Variants in FGFR2 observed in about 807,000 individuals in gnomAD.
FGFR2 encodes the protein BEK fibroblast growth factor receptor.
FGFR2 carries 19 observed loss-of-function variants against 95.9 expected under a neutral mutation model. That is an observed-to-expected ratio of 0.20 (90% CI 0.14 to 0.29). The LOEUF is 0.29. Ranked by LOEUF, FGFR2 falls within the 10% of genes least tolerant of loss-of-function variation. The probability of loss-of-function intolerance (pLI) is 1.00; values close to 1 mark genes in which losing one functional copy is unlikely to be tolerated. For missense variants in FGFR2, 707 were observed against 1,056.9 expected, an observed-to-expected ratio of 0.67 and a Z score of 4.59; for synonymous variants, 392 against 393.3, an observed-to-expected ratio of 1.00 and a Z score of 0.04.
chr10:121,538,210 G>T, intron 6 of FGFR2: 1 of 626,772 alleles, frequency 1.6e-6, no homozygotes, highest in East Asian at 2.7e-5. Context: ...GCCTTCTACA[G>T]TTGCCCTGTT....
intron 4 of FGFR2, among the ~76,000 whole-genome samples, chr10:121,557,765 T>C (rs1417128791): frequency 6.6e-6 from 1 of 152,196 alleles, no homozygotes; most frequent in East Asian, 1.9e-4. Flanking sequence ...ACTTAGGATC[T>C]CTACCAAGTA....
chr10:121,558,087 T>G (rs1404185048), intron 4 of FGFR2, among the ~76,000 whole-genome samples: 1 of 152,142 alleles, frequency 6.6e-6, no homozygotes, highest in Non-Finnish European at 1.5e-5. Context: ...CATGATCTTC[T>G]CAAAAACTAA....
rs71484678 is a variant in FGFR2, at chr10:121,586,155, G to T, written c.109+7554C>A. 3.1e-3 allele frequency among the ~76,000 whole-genome samples: 476 copies of T among 152,266 alleles called. 1 individual carries two copies. The highest frequency in any genetic ancestry group is 5.0e-3 in the Non-Finnish European group (343 of 68,034). ...ACAGTAAACTGTCAGGTATACAAAT[G>T]GGTCACATATAGTAATATAGGAGCT... On this transcript the variant is annotated intron_variant, in intron 2 of 17. Transcript: ENST00000358487.
intron 13 of FGFR2, among the ~76,000 whole-genome samples, chr10:121,494,097 A>C (rs1846473557): frequency 6.6e-6 from 1 of 151,246 alleles, no homozygotes; most frequent in African/African-American, 2.4e-5. Context: ...TTCACCACAC[A>C]AGCAGCAGTG....
In FGFR2 at chr10:121,520,099, G is replaced by C. The variant is rs140427785; in HGVS notation, c.819C>G (p.Asp273Glu). 1.2e-6 allele frequency: 2 copies of C among 1,614,080 alleles called. No homozygotes were observed. Among genetic ancestry groups the C allele is most frequent in the African/African-American group, 2.7e-5 (2 of 74,946 alleles). Reference sequence around the variant, plus strand: ...TGTAAACCTTGCAGACAAACTCTACGTCTCCTCCGACCACTGTGGAGGCAT... The same window carrying C: ...TGTAAACCTTGCAGACAAACTCTACCTCTCCTCCGACCACTGTGGAGGCAT... ...PANASTVVGG[D>E]VEFVCKVYSD... Residue 273 changes from aspartate to glutamate, a missense_variant, in exon 7 of 18, where the codon GAC becomes GAG. Around this residue, in one of 7 missense-constraint regions of FGFR2, gnomAD observed 139 missense variants for 278.1 expected, o/e 0.50. Transcript: ENST00000358487.
chr10:121,591,024 C>CTT (rs1023598618), intron 2 of FGFR2, among the ~76,000 whole-genome samples: 3 of 152,172 alleles, frequency 2.0e-5, no homozygotes, highest in African/African-American at 7.2e-5. Flanking sequence ...CTCTCTCTCT[C>CTT]TCTCTCTCTT....
At chr10:121,483,888 T>C (rs1035926937) in intron 16 of FGFR2, 85 bp from the exon 17 acceptor site, 48 of 980,362 alleles carry the variant, frequency 4.9e-5, no homozygotes, top group Non-Finnish European at 7.5e-5. Flanking sequence ...TATGGGGACG[T>C]GGTGTAAATT....
In FGFR2 at chr10:121,517,963, T is replaced by C. The variant is rs190967429; in HGVS notation, c.940-500A>G. 228 of 405,660 alleles carry C rather than the reference T, an allele frequency of 5.6e-4. No homozygotes were observed. The highest frequency in any genetic ancestry group is 7.7e-4 in the Non-Finnish European group (162 of 210,036). The allele number at this position is 405,660 out of a possible 1,614,324, so 25.1% of individuals were successfully genotyped here. A position where few individuals can be genotyped will look rare whatever the true frequency, so the allele number is the denominator to read the frequency against. On this transcript the variant is annotated intron_variant, in intron 7 of 17. Transcript: ENST00000358487. This position sits in a 1 kb window ranked among gnomAD's most constrained non-coding sequence, Gnocchi z 4.7. The stretch of plus-strand genomic sequence containing the variant: ...CAATTGGGGTGGAAGGTTGTCTTGG[T>C]TACCAGGCTCTGGTTATTTTTACTT...
At chr10:121,489,793 C>G (rs1213647485) in intron 13 of FGFR2, among the ~76,000 whole-genome samples, 1 of 152,200 alleles carries the variant, frequency 6.6e-6, no homozygotes, top group African/African-American at 2.4e-5. Flanking sequence ...CATGCCTTTC[C>G]CACTGCTAAT....
At chr10:121,566,194 T>G (rs959201326) in intron 2 of FGFR2, among the ~76,000 whole-genome samples, 3 of 152,172 alleles carry the variant, frequency 2.0e-5, no homozygotes, top group Admixed American at 2.0e-4. Flanking sequence ...ATGAAATGTC[T>G]CAAACTCAAG....
At position 121,592,120 on chromosome 10, in the gene FGFR2, C is replaced by T. The variant is rs186894038; in HGVS notation, c.109+1589G>A. Among the ~76,000 whole-genome samples, 86 of 152,278 alleles carry T rather than the reference C, an allele frequency of 5.6e-4. No individual in the cohort carries two copies. In the South Asian group the frequency reaches 0.017, roughly 30 times the overall value. ...CCTGGGTTGCTCCTAAAGCCCACAC[C>T]GTAGGAAATCCCAGCTCAGCTTCCT... On this transcript the variant is annotated intron_variant, in intron 2 of 17. Transcript: ENST00000358487.
At chr10:121,514,167 A>G (rs1849393761) in intron 9 of FGFR2, among the ~76,000 whole-genome samples, 1 of 152,226 alleles carries the variant, frequency 6.6e-6, no homozygotes, top group Non-Finnish European at 1.5e-5. Context: ...TAAAATACAC[A>G]CTGAAATAGA....
intron 2 of FGFR2, among the ~76,000 whole-genome samples, chr10:121,566,602 T>C (rs907837779): frequency 6.6e-6 from 1 of 152,080 alleles, no homozygotes; most frequent in Non-Finnish European, 1.5e-5. Flanking sequence ...AGCAGGGTCC[T>C]CCGTGATGGG....
chr10:121,506,316 C>A (rs1439014080), intron 9 of FGFR2, among the ~76,000 whole-genome samples: 1 of 136,918 alleles, frequency 7.3e-6, no homozygotes, highest in Admixed American at 8.4e-5. Context: ...TGAGATTGCA[C>A]CACAGCACTC....
chr10:121,495,762 C>T (rs1224558118), intron 13 of FGFR2, among the ~76,000 whole-genome samples: 1 of 152,198 alleles, frequency 6.6e-6, no homozygotes, highest in Non-Finnish European at 1.5e-5. Context: ...ATTCCTGGCA[C>T]TGCAATAAAC....
At chr10:121,489,234 G>A (rs1009550204) in intron 13 of FGFR2, among the ~76,000 whole-genome samples, 3 of 151,938 alleles carry the variant, frequency 2.0e-5, no homozygotes, top group East Asian at 1.9e-4. Flanking sequence ...CACCACACCC[G>A]GCTAATATTT....
In FGFR2 at chr10:121,512,927, T is replaced by G. The variant is rs577353034; in HGVS notation, c.1287+2190A>C. The stretch of plus-strand genomic sequence containing the variant: ...TCTTGTTGCCCAGGCTGGAGCGCAA[T>G]GGTGTGATCTTGGCTCATTGCAACC... On this transcript the variant is annotated intron_variant, in intron 9 of 17. Transcript: ENST00000358487. Among the ~76,000 whole-genome samples, 6 of 152,214 alleles carry G rather than the reference T, an allele frequency of 3.9e-5. No individual in the cohort carries two copies. In the East Asian group the frequency reaches 1.2e-3, roughly 29 times the overall value.
At chr10:121,580,474 TC>T (rs1860677635) in intron 2 of FGFR2, among the ~76,000 whole-genome samples, 1 of 406 alleles carries the variant, frequency 2.5e-3, no homozygotes, top group Non-Finnish European at 4.6e-3. Context: ...GGCCAGCATC[TC>T]GAAACCCGTG....
intron 9 of FGFR2, among the ~76,000 whole-genome samples, chr10:121,508,554 GA>G (rs1315549732): frequency 6.6e-6 from 1 of 152,166 alleles, no homozygotes; most frequent in Non-Finnish European, 1.5e-5. Flanking sequence ...ACTGTCTCGA[GA>G]AGATTTTCAT....
Sources: allele counts gnomAD v4.1 joint callset (sites outside exome capture counted in the v4.1 genomes callset), GRCh38; gene constraint gnomAD v4.1.1; regional missense constraint gnomAD v4.1.1; non-coding constraint Gnocchi (gnomAD v3.1); transcripts MANE v1.5; gene names NCBI Gene and HGNC (gene_info 2026-07-23, HGNC 2026-07-21).